GALNTL6: variants seen among roughly 807,000 people sequenced by gnomAD.
GALNTL6 encodes the protein polypeptide N-acetylgalactosaminyltransferase-like 6.
In GALNTL6, 46 loss-of-function variants were observed where a neutral mutation model predicts 73.7. That is an observed-to-expected ratio of 0.62 (90% confidence interval 0.49 to 0.80). The LOEUF is 0.80. Ranked by LOEUF, GALNTL6 falls within the 30% of genes least tolerant of loss-of-function variation. The pLI, the probability that GALNTL6 is intolerant of heterozygous loss-of-function variation, is 0.00. For missense variants in GALNTL6, 604 were observed against 755.0 expected, an observed-to-expected ratio of 0.80 and a Z score of 2.34; for synonymous variants, 259 against 263.7, an observed-to-expected ratio of 0.98 and a Z score of 0.17.
rs553004157 is a variant in GALNTL6, at chr4:171,892,570, A to G, written c.138+77852A>G. Among the ~76,000 whole-genome samples the G allele has an allele frequency of 5.3e-5, 8 of 152,240 alleles. No individual in the cohort carries two copies. The South Asian group carries it at 1.7e-3, about 32-fold the overall frequency. On this transcript the variant is annotated intron_variant, in intron 2 of 12. Transcript: ENST00000506823. ...CATTTATAATATAATAATTACAAAT[A>G]ACGTTTTTTAAGACAAAGCCTCTCT...
At chr4:172,645,475 G>C (rs1228474360) in intron 5 of GALNTL6, among the ~76,000 whole-genome samples, 1 of 151,822 alleles carries the variant, frequency 6.6e-6, no homozygotes, top group Non-Finnish European at 1.5e-5. Flanking sequence ...AGTTGCAGTG[G>C]CACTTGTTTT....
intron 5 of GALNTL6, among the ~76,000 whole-genome samples, chr4:172,751,536 T>C (rs1017691836): frequency 6.6e-6 from 1 of 152,216 alleles, no homozygotes; most frequent in Non-Finnish European, 1.5e-5. Flanking sequence ...AATCCTTCCA[T>C]CCTATCTGAA....
At chr4:172,476,523 C>T (rs1435707742) in intron 5 of GALNTL6, among the ~76,000 whole-genome samples, 1 of 152,138 alleles carries the variant, frequency 6.6e-6, no homozygotes, top group African/African-American at 2.4e-5. Context: ...GAGAACCTTC[C>T]CAACTTCCAC....
At chr4:172,673,936 C>A (rs1732134624) in intron 5 of GALNTL6, among the ~76,000 whole-genome samples, 1 of 152,152 alleles carries the variant, frequency 6.6e-6, no homozygotes, top group African/African-American at 2.4e-5. Flanking sequence ...CACTCAATGT[C>A]TTTTAATTGG....
intron 2 of GALNTL6, among the ~76,000 whole-genome samples, chr4:172,076,003 G>C (rs1187767088): frequency 6.6e-6 from 1 of 152,124 alleles, no homozygotes; most frequent in African/African-American, 2.4e-5. Flanking sequence ...TTAATTAATT[G>C]TTTGGTCTCT....
At chr4:172,363,140 GTT>G (rs1742431510) in intron 5 of GALNTL6, among the ~76,000 whole-genome samples, 2 of 152,082 alleles carry the variant, frequency 1.3e-5, no homozygotes, top group Non-Finnish European at 2.9e-5. Context: ...CATATGGCAG[GTT>G]TTGTCATGAT....
intron 2 of GALNTL6, among the ~76,000 whole-genome samples, chr4:171,930,528 GC>G (rs1738146171): frequency 6.6e-6 from 1 of 152,138 alleles, no homozygotes; most frequent in Non-Finnish European, 1.5e-5. Context: ...AAAGCTAGCA[GC>G]TTTTTCTTTA....
At chr4:172,704,023 A>G (rs1048885915) in intron 5 of GALNTL6, among the ~76,000 whole-genome samples, 5 of 151,862 alleles carry the variant, frequency 3.3e-5, no homozygotes, top group African/African-American at 1.2e-4. Flanking sequence ...TTGTATTGCT[A>G]TGATATCTGT....
At chr4:171,907,765 C>A (rs1447464878) in intron 2 of GALNTL6, among the ~76,000 whole-genome samples, 7 of 151,182 alleles carry the variant, frequency 4.6e-5, no homozygotes, top group Admixed American at 4.6e-4. Context: ...CTACAGTAAC[C>A]AAAACAGCAT....
chr4:171,973,537 C>A lies in GALNTL6; in HGVS notation c.138+158819C>A, dbSNP rs1454319733. ...TGTGTCTGTCTGTGTCCAAATTTTTCTCTTATAAACCTAGTAGTCCTATTG... is the reference window on the plus strand; with the variant it reads ...TGTGTCTGTCTGTGTCCAAATTTTTATCTTATAAACCTAGTAGTCCTATTG... On this transcript the variant is annotated intron_variant, in intron 2 of 12. Coordinates refer to ENST00000506823, the MANE Select transcript of GALNTL6 (RefSeq NM_001034845.3). 2.0e-5 allele frequency among the ~76,000 whole-genome samples: 3 copies of A among 152,108 alleles called. No homozygotes were observed. In the East Asian group the frequency reaches 5.8e-4, roughly 29 times the overall value.
chr4:172,597,546 T>C (rs982956633), intron 5 of GALNTL6, among the ~76,000 whole-genome samples: 1 of 152,212 alleles, frequency 6.6e-6, no homozygotes, highest in Non-Finnish European at 1.5e-5. Flanking sequence ...GGGAGAGGTA[T>C]GTAACAATTA....
At chr4:172,948,826 C>A (rs1018457232) in intron 9 of GALNTL6, among the ~76,000 whole-genome samples, 1 of 151,978 alleles carries the variant, frequency 6.6e-6, no homozygotes, top group East Asian at 1.9e-4. Context: ...GAAAAGGACA[C>A]GATGATGCAG....
chr4:172,633,105 A>T (rs562435550), intron 5 of GALNTL6, among the ~76,000 whole-genome samples: 2 of 152,214 alleles, frequency 1.3e-5, no homozygotes, highest in African/African-American at 2.4e-5. Flanking sequence ...GCAGTGTGGA[A>T]GGGAAATGTG....
chr4:172,175,212 G>A (rs1365705625), intron 2 of GALNTL6, among the ~76,000 whole-genome samples: 2 of 152,022 alleles, frequency 1.3e-5, no homozygotes, highest in Non-Finnish European at 2.9e-5. Context: ...AAGTAGCTGA[G>A]ACTACAGGCA....
chr4:172,065,756 G>A (rs567572965), intron 2 of GALNTL6, among the ~76,000 whole-genome samples: 38 of 152,214 alleles, frequency 2.5e-4, no homozygotes, highest in Non-Finnish European at 4.1e-4. Context: ...TCACGGTTCC[G>A]CAAGGCTGGG....
intron 5 of GALNTL6, among the ~76,000 whole-genome samples, chr4:172,479,548 CAGAAAG>C (rs552993522): frequency 1.1e-4 from 17 of 152,098 alleles, no homozygotes; most frequent in South Asian, 2.1e-4. Flanking sequence ...ATTGCAGACT[CAGAAAG>C]AGAGAGTGTG....
intron 8 of GALNTL6, among the ~76,000 whole-genome samples, chr4:172,904,916 G>T (rs1453005266): frequency 6.6e-6 from 1 of 152,042 alleles, no homozygotes; most frequent in East Asian, 1.9e-4. Flanking sequence ...ACACACAAAT[G>T]CACATATATA....
chr4:172,513,568 G>T (rs1048733801), intron 5 of GALNTL6, among the ~76,000 whole-genome samples: 2 of 152,114 alleles, frequency 1.3e-5, no homozygotes, highest in African/African-American at 4.8e-5. Context: ...AAAGATCTGG[G>T]ACTCAAAAAC....
At chr4:172,949,001 T>C (rs1025991469) in intron 9 of GALNTL6, among the ~76,000 whole-genome samples, 1 of 152,202 alleles carries the variant, frequency 6.6e-6, no homozygotes, top group Non-Finnish European at 1.5e-5. Flanking sequence ...GCACCGGAAT[T>C]AGTTAGTTCC....
Sources: allele counts gnomAD v4.1 joint callset (sites outside exome capture counted in the v4.1 genomes callset), GRCh38; gene constraint gnomAD v4.1.1; transcripts MANE v1.5; gene names NCBI Gene and HGNC (gene_info 2026-07-23, HGNC 2026-07-21).